Variants in NRL observed in about 807,000 individuals in gnomAD.
NRL encodes the protein neural retina leucine zipper.
NRL carries 16 observed loss-of-function variants against 12.5 expected under a neutral mutation model. The ratio of observed to expected loss-of-function variants is 1.28; its 90% CI spans 0.87 to 1.95. NRL has a LOEUF of 1.95. Among genes scored for constraint, NRL ranks in the 30% most tolerant of loss-of-function variants. The pLI is 0.00. For synonymous variants in NRL, 142 were observed against 150.9 expected (o/e 0.94, Z 0.43); for missense variants, 314 against 325.8 (o/e 0.96, Z 0.28).
At chr14:24,114,418 C>T (rs1308161283) in intron 1 of NRL, 1 of 153,782 alleles carries the variant, frequency 6.5e-6, no homozygotes, top group African/African-American at 2.4e-5. Context: ...AGAAGAACGG[C>T]TCCAGCTGGA....
chr14:24,099,387 C>A, intron 1 of NRL: 1 of 1,004,732 alleles, frequency 1.0e-6, no homozygotes, highest in South Asian at 1.6e-5. Flanking sequence ...CCTCAGGCTG[C>A]TGAATGTTGA....
At chr14:24,089,788 G>T (rs2036565301) in intron 1 of NRL, among the ~76,000 whole-genome samples, 1 of 152,226 alleles carries the variant, frequency 6.6e-6, no homozygotes, top group Non-Finnish European at 1.5e-5. Context: ...ACCAAGACTG[G>T]TCAGGTGAAT....
chr14:24,105,676 T>A (rs1455293694), intron 1 of NRL, among the ~76,000 whole-genome samples: 3 of 152,232 alleles, frequency 2.0e-5, no homozygotes, highest in Admixed American at 6.5e-5. Flanking sequence ...CCCAGCACTT[T>A]GGGAGGCCAA....
chr14:24,081,806 C>G lies in NRL; in HGVS notation c.382-238G>C, dbSNP rs960906126. The G allele has an allele frequency of 6.8e-7, 1 of 1,477,778 alleles. No homozygotes were observed. Among genetic ancestry groups the G allele is most frequent in the Non-Finnish European group, 8.9e-7 (1 of 1,119,252 alleles). 91.5% of individuals were successfully genotyped at this position (1,477,778 alleles called of 1,614,324 possible). On this transcript the variant is annotated intron_variant, in intron 2 of 2. Transcript: ENST00000561028. This position sits in a 1 kb window ranked among gnomAD's most constrained non-coding sequence, Gnocchi z 4.4. Reference sequence around the variant, plus strand: ...AGGCGGGCGCCCCACGGTGCAGGGCCGGCCACGGTCAGGCGAGCCCGTCGC... The same window carrying G: ...AGGCGGGCGCCCCACGGTGCAGGGCGGGCCACGGTCAGGCGAGCCCGTCGC...
intron 1 of NRL, among the ~76,000 whole-genome samples, chr14:24,111,146 AT>A (rs1243588895): frequency 6.7e-6 from 1 of 149,178 alleles, no homozygotes; most frequent in Non-Finnish European, 1.5e-5. Context: ...ATGGCCGGCT[AT>A]TTTTTTTTTC....
intron 1 of NRL, chr14:24,103,181 C>A: frequency 6.2e-7 from 1 of 1,613,836 alleles, no homozygotes; most frequent in Non-Finnish European, 8.5e-7. Context: ...GTATACGAGG[C>A]CTTCAACTGG....
intron 1 of NRL, chr14:24,095,053 C>T (rs1333999107): frequency 2.2e-6 from 1 of 448,608 alleles, no homozygotes; most frequent in Non-Finnish European, 4.5e-6. Context: ...TGGCTTCTTC[C>T]TCCGTCCAGG....
rs1246715617 is a variant in NRL at position 24,103,407 on chromosome 14, TC to T, written c.-28+11314del. The T allele has an allele frequency of 5.6e-5, 68 of 1,222,644 alleles. No individual in the cohort carries two copies. In the South Asian group the frequency reaches 9.0e-4, roughly 16 times the overall value. The allele number at this position is 1,222,644 out of a possible 1,614,324, so 75.7% of individuals were successfully genotyped here. The stretch of plus-strand genomic sequence containing the variant: ...ATCTTTTCCCCATCCCTGAAGATAT[TC>T]AGAACCATAAGCCTTTCACAGCTTC... On this transcript the variant is annotated intron_variant, in intron 1 of 2. Coordinates refer to ENST00000561028, the MANE Select transcript of NRL (RefSeq NM_001354768.3).
rs2036791474 is a variant in NRL at position 24,094,879 on chromosome 14, C to G, written c.-27-12004G>C. ...GCCCCGGGAGACTAAGCTCAGAGCC[C>G]CCTAAAGAAGGTGGAAGGTTAAATA... On this transcript the variant is annotated intron_variant, in intron 1 of 2. Transcript: ENST00000561028. The surrounding 1 kb of genome is among the most constrained non-coding windows in gnomAD (Gnocchi z 4.1). 2 of 1,277,776 alleles carry G rather than the reference C, an allele frequency of 1.6e-6. No individual in the cohort carries two copies. The highest frequency in any genetic ancestry group is 3.0e-5 in the African/African-American group (2 of 65,802). The allele number at this position is 1,277,776 out of a possible 1,614,324, so 79.2% of individuals were successfully genotyped here. A position where few individuals can be genotyped will look rare whatever the true frequency, so the allele number is the denominator to read the frequency against.
chr14:24,096,387 C>T (rs150813250), intron 1 of NRL, among the ~76,000 whole-genome samples: 2,989 of 151,968 alleles, frequency 0.02, 101 homozygotes, highest in African/African-American at 0.068. Context: ...TAGAGGCACA[C>T]GCCACCACAT....
At chr14:24,107,469 C>T (rs965931421) in intron 1 of NRL, among the ~76,000 whole-genome samples, 1 of 151,988 alleles carries the variant, frequency 6.6e-6, no homozygotes, top group Non-Finnish European at 1.5e-5. Flanking sequence ...CCCGCCCCGC[C>T]CCGACCCTGT....
At chr14:24,099,202 C>T (rs1212311379) in intron 1 of NRL, 2 of 1,602,258 alleles carry the variant, frequency 1.2e-6, no homozygotes, top group African/African-American at 1.3e-5. Context: ...TCTCGGCTGG[C>T]CCGGGATGAG....
chr14:24,079,225 TTCTG>T lies in NRL; in HGVS notation c.*2007_*2010del, dbSNP rs1362646867. ...TGTGTGCTCAGGTGTCTATGGATGG[TTCTG>T]TCTGTCTTTGTGTGCCATGCAGGTG... On this transcript the variant is annotated 3_prime_UTR_variant, in exon 3 of 3. Transcript: ENST00000561028. Among the ~76,000 whole-genome samples, 3 of 152,208 alleles carry T rather than the reference TTCTG, an allele frequency of 2.0e-5. No individual in the cohort carries two copies. Among genetic ancestry groups the T allele is most frequent in the South Asian group, 2.1e-4 (1 of 4,828 alleles).
chr14:24,084,627 AG>A, intron 1 of NRL: 1 of 985,472 alleles, frequency 1.0e-6, no homozygotes, highest in Non-Finnish European at 1.2e-6. Context: ...GCTCAGCTCC[AG>A]GGGGCTGTGG....
At chr14:24,095,329 G>A in intron 1 of NRL, 1 of 428,280 alleles carries the variant, frequency 2.3e-6, no homozygotes, top group Admixed American at 2.5e-5. Context: ...CTGTGTGCTT[G>A]AAAACTGATG....
chr14:24,094,040 A>G lies in NRL; in HGVS notation c.-27-11165T>C. On this transcript the variant is annotated intron_variant, in intron 1 of 2. Coordinates refer to ENST00000561028, the MANE Select transcript of NRL (RefSeq NM_001354768.3). This position sits in a 1 kb window ranked among gnomAD's most constrained non-coding sequence, Gnocchi z 4.1. The stretch of plus-strand genomic sequence containing the variant: ...CGGGAGCAAGAGTCCTCAAAGTTAC[A>G]TCATGTGCGGCTGGGAGGGCGGTGG... 3.7e-6 allele frequency: 2 copies of G among 538,660 alleles called. No homozygotes were observed. Among genetic ancestry groups the G allele is most frequent in the Non-Finnish European group, 6.5e-6 (2 of 307,654 alleles). The allele number at this position is 538,660 out of a possible 1,614,324, so 33.4% of individuals were successfully genotyped here. A position where few individuals can be genotyped will look rare whatever the true frequency, so the allele number is the denominator to read the frequency against.
chr14:24,098,402 G>A (rs552310775), intron 1 of NRL: 2 of 1,611,668 alleles, frequency 1.2e-6, no homozygotes, highest in Non-Finnish European at 1.7e-6. Flanking sequence ...CCAGGGCAGG[G>A]GCACAGTGGC....
At chr14:24,098,279 G>A (rs771181506) in intron 1 of NRL, 2 of 1,614,132 alleles carry the variant, frequency 1.2e-6, no homozygotes, top group South Asian at 2.2e-5. Context: ...TTCTCAGCGG[G>A]ACACGGTACC....
At chr14:24,099,441 C>T in intron 1 of NRL, 1 of 1,094,688 alleles carries the variant, frequency 9.1e-7, no homozygotes, top group South Asian at 1.5e-5. Flanking sequence ...AGGGCAATCA[C>T]TTATATAGTT....
Sources: allele counts gnomAD v4.1 joint callset (sites outside exome capture counted in the v4.1 genomes callset), GRCh38; gene constraint gnomAD v4.1.1; non-coding constraint Gnocchi (gnomAD v3.1); transcripts MANE v1.5; gene names NCBI Gene and HGNC (gene_info 2026-07-23, HGNC 2026-07-21).